Variants in TNS3 observed in about 807,000 individuals in gnomAD.
The protein encoded by TNS3 is tensin-3.
Under a neutral mutation model 140.9 loss-of-function variants are expected in TNS3, and 45 were observed. The ratio of observed to expected loss-of-function variants is 0.32; its 90% confidence interval spans 0.25 to 0.41. The LOEUF is 0.41. Ranked by LOEUF, TNS3 falls within the 10% of genes least tolerant of loss-of-function variation. The pLI is 1.00. For synonymous variants in TNS3, 815 were observed against 788.4 expected (o/e 1.03, Z -0.56); for missense variants, 1,716 against 1,906.7 (o/e 0.90, Z 1.86).
intron 9 of TNS3, among the ~76,000 whole-genome samples, chr7:47,424,535 T>C (rs1412983328): frequency 6.6e-6 from 1 of 152,174 alleles, no homozygotes; most frequent in Non-Finnish European, 1.5e-5. Context: ...TCCAAAACTG[T>C]CCCTTGGCCA....
chr7:47,543,981 C>T (rs1011183824), intron 1 of TNS3, among the ~76,000 whole-genome samples: 4 of 152,188 alleles, frequency 2.6e-5, no homozygotes, highest in African/African-American at 9.6e-5. Context: ...GTTCCTTCCC[C>T]CTGACTTTGA....
Position 47,353,669 on chromosome 7 carries a change from C to T in TNS3, c.2282-7313G>A, listed in dbSNP as rs139474976. 5.7e-3 allele frequency among the ~76,000 whole-genome samples: 863 copies of T among 152,308 alleles called. 10 individuals carry two copies. The highest frequency in any genetic ancestry group is 0.019 in the African/African-American group (799 of 41,542). On this transcript the variant is annotated intron_variant, in intron 17 of 30. Coordinates refer to ENST00000311160, the MANE Select transcript of TNS3 (RefSeq NM_022748.12). ...GAGTCCATCAATTACTTCTTACACA[C>T]TTCACATCAATGTGAAATGACCAGC...
intron 20 of TNS3, among the ~76,000 whole-genome samples, chr7:47,340,326 T>A (rs898392974): frequency 4.0e-5 from 6 of 150,656 alleles, no homozygotes; most frequent in Non-Finnish European, 8.9e-5. Flanking sequence ...TTTCACCATG[T>A]TGGCCAGGAT....
intron 16 of TNS3, among the ~76,000 whole-genome samples, chr7:47,391,959 C>T (rs530064573): frequency 6.6e-5 from 10 of 152,316 alleles, no homozygotes; most frequent in Admixed American, 2.0e-4. Flanking sequence ...CAGCTGCCAT[C>T]GCCGACAGTG....
At chr7:47,494,701 G>A (rs1312800815) in intron 3 of TNS3, among the ~76,000 whole-genome samples, 2 of 152,190 alleles carry the variant, frequency 1.3e-5, no homozygotes, top group African/African-American at 4.8e-5. Flanking sequence ...GGCAGGAGTT[G>A]AAATGCCTAG....
chr7:47,280,377 G>A, intron 28 of TNS3, 23 bp from the exon 29 acceptor site: 1 of 1,612,660 alleles, frequency 6.2e-7, no homozygotes, highest in Non-Finnish European at 8.5e-7. Flanking sequence ...GGGGGAGAGA[G>A]GATGGCTCCT....
chr7:47,430,204 C>T (rs1395450510), intron 8 of TNS3, among the ~76,000 whole-genome samples: 4 of 151,332 alleles, frequency 2.6e-5, no homozygotes, highest in Non-Finnish European at 5.9e-5. Flanking sequence ...TCTTGGCTCA[C>T]GGCAACCTCC....
chr7:47,422,706 T>C (rs1478536400), intron 10 of TNS3, among the ~76,000 whole-genome samples: 1 of 151,974 alleles, frequency 6.6e-6, no homozygotes, highest in Non-Finnish European at 1.5e-5. Context: ...GCTGGTGCCG[T>C]AAGAAATAAG....
At position 47,396,938 on chromosome 7, in the gene TNS3, G is replaced by A. The variant is rs761204663; in HGVS notation, c.920-34C>T. 88 of 1,533,690 alleles carry A rather than the reference G, an allele frequency of 5.7e-5. 1 individual carries two copies. In the Middle Eastern group the frequency reaches 1.0e-3, roughly 18 times the overall value. Reference sequence around the variant, plus strand: ...AGCACAGGCAGCAACATTAGTCCCAGTGAAACCCATCACCTCCATCCAACC... The same window carrying A: ...AGCACAGGCAGCAACATTAGTCCCAATGAAACCCATCACCTCCATCCAACC... On this transcript the variant is annotated intron_variant, in intron 15 of 30. Coordinates refer to ENST00000311160, the MANE Select transcript of TNS3 (RefSeq NM_022748.12).
chr7:47,432,082 T>G (rs1467911480), intron 8 of TNS3, among the ~76,000 whole-genome samples: 2 of 152,080 alleles, frequency 1.3e-5, no homozygotes, highest in Non-Finnish European at 2.9e-5. Flanking sequence ...ATGAATTCCA[T>G]CACCGAAAAA....
At chr7:47,389,454 C>T (rs1792380541) in intron 16 of TNS3, among the ~76,000 whole-genome samples, 1 of 152,334 alleles carries the variant, frequency 6.6e-6, no homozygotes, top group East Asian at 1.9e-4. Context: ...ATTAAGGCCA[C>T]TCTTGTGGGC....
At chr7:47,373,439 A>G (rs1791195731) in intron 16 of TNS3, among the ~76,000 whole-genome samples, 1 of 152,218 alleles carries the variant, frequency 6.6e-6, no homozygotes, top group African/African-American at 2.4e-5. Context: ...AATTACTATT[A>G]AAGGCTCTTC....
Position 47,304,910 on chromosome 7 carries a change from G to A in TNS3, c.2744C>T (p.Ser915Phe). The change falls in exon 21 of 31, where the codon TCC becomes TTC. Residue 915 changes from serine to phenylalanine, a missense_variant. Ser to Phe is a radical substitution (Grantham distance 155). Coordinates refer to ENST00000311160, the MANE Select transcript of TNS3 (RefSeq NM_022748.12). ...PKSTMLRADASSTPSFQQAFA... is the reference protein window; with the variant it reads ...PKSTMLRADAFSTPSFQQAFA... The stretch of plus-strand genomic sequence containing the variant: ...AGCCTGCTGAAAGGAGGGCGTCGAG[G>A]ACGCATCAGCCCGGAGCATCGTGGA... 7.0e-7 allele frequency: 1 copy of A among 1,437,218 alleles called. No homozygotes were observed. Among genetic ancestry groups the A allele is most frequent in the South Asian group, 1.6e-5 (1 of 63,316 alleles). 89.0% of individuals were successfully genotyped at this position (1,437,218 alleles called of 1,614,324 possible).
intron 4 of TNS3, among the ~76,000 whole-genome samples, chr7:47,478,641 T>A (rs559742372): frequency 2.6e-5 from 4 of 152,076 alleles, no homozygotes; most frequent in Admixed American, 1.3e-4. Flanking sequence ...CAAACCTTCA[T>A]ATAAACAATT....
At chr7:47,437,061 C>T (rs1179775135) in intron 7 of TNS3, among the ~76,000 whole-genome samples, 4 of 152,094 alleles carry the variant, frequency 2.6e-5, no homozygotes, top group Non-Finnish European at 5.9e-5. Flanking sequence ...TACAGGAGAT[C>T]TCTGTATTAT....
intron 1 of TNS3, among the ~76,000 whole-genome samples, chr7:47,548,923 TC>T (rs1203331780): frequency 2.6e-5 from 4 of 152,070 alleles, no homozygotes; most frequent in Non-Finnish European, 5.9e-5. Flanking sequence ...TAGCACCACT[TC>T]CCCACACAGT....
At chr7:47,371,948 G>A (rs1791097006) in intron 16 of TNS3, among the ~76,000 whole-genome samples, 1 of 152,218 alleles carries the variant, frequency 6.6e-6, no homozygotes, top group African/African-American at 2.4e-5. Flanking sequence ...TGTAAAGGTT[G>A]ACCTGAGAAT....
At chr7:47,366,831 C>A (rs1302575444) in intron 17 of TNS3, among the ~76,000 whole-genome samples, 1 of 152,046 alleles carries the variant, frequency 6.6e-6, no homozygotes, top group Non-Finnish European at 1.5e-5. Context: ...ATGACATGGG[C>A]CAGCACACCT....
intron 1 of TNS3, among the ~76,000 whole-genome samples, chr7:47,537,597 T>C (rs1225402179): frequency 6.6e-6 from 1 of 152,054 alleles, no homozygotes; most frequent in Non-Finnish European, 1.5e-5. Flanking sequence ...TTCAAACCTC[T>C]CCGAGAACGC....
Sources: gnomAD v4.1 joint callset for allele counts (sites outside exome capture counted in the v4.1 genomes callset) on GRCh38, gnomAD v4.1.1 for gene constraint, MANE v1.5 for transcripts, NCBI Gene and HGNC (gene_info 2026-07-23, HGNC 2026-07-21) for gene names.